The following PLCL2 variants were observed in gnomAD, a reference collection of about 807,000 sequenced individuals.
PLCL2 encodes the protein inactive phospholipase C-like protein 2.
A neutral mutation model predicts 79.6 loss-of-function variants in PLCL2; 4 were observed. The observed-to-expected ratio is 0.05, with a 90% CI of 0.02 to 0.11. PLCL2 has a LOEUF of 0.11. Among genes scored for constraint, PLCL2 ranks in the 10% least tolerant of loss-of-function variants. The pLI is 1.00. For missense variants in PLCL2, 895 were observed against 1,291.0 expected (o/e 0.69, Z 4.70); for synonymous variants, 484 against 457.7 (o/e 1.06, Z -0.73).
At chr3:16,999,117 TAATTA>T (rs942448955) in intron 1 of PLCL2, among the ~76,000 whole-genome samples, 1 of 152,372 alleles carries the variant, frequency 6.6e-6, no homozygotes, top group African/African-American at 2.4e-5. Context: ...ATGATCATTT[TAATTA>T]AATTGATGGG....
chr3:16,913,898 C>T (rs936952096), intron 1 of PLCL2, among the ~76,000 whole-genome samples: 5 of 152,296 alleles, frequency 3.3e-5, no homozygotes, highest in African/African-American at 7.2e-5. Flanking sequence ...TTCAGATTAT[C>T]GAAATACAGG....
chr3:16,983,628 ACT>A (rs1364606458), intron 1 of PLCL2, among the ~76,000 whole-genome samples: 2 of 151,832 alleles, frequency 1.3e-5, no homozygotes, highest in African/African-American at 4.8e-5. Flanking sequence ...CGAGAAGAAA[ACT>A]CTGTCTCAAA....
intron 1 of PLCL2, among the ~76,000 whole-genome samples, chr3:16,989,795 TTTC>T (rs1288934366): frequency 6.6e-6 from 1 of 152,202 alleles, no homozygotes; most frequent in African/African-American, 2.4e-5. Context: ...AGCATAATGA[TTTC>T]TTGTTAGCCC....
At chr3:17,005,095 A>T (rs759865614) in intron 1 of PLCL2, among the ~76,000 whole-genome samples, 9 of 152,056 alleles carry the variant, frequency 5.9e-5, no homozygotes, top group African/African-American at 9.7e-5. Flanking sequence ...TTTTCTCATG[A>T]TGTTTTTTGA....
chr3:17,052,617 C>T (rs550480218), intron 4 of PLCL2, among the ~76,000 whole-genome samples: 7 of 152,076 alleles, frequency 4.6e-5, no homozygotes, highest in African/African-American at 1.4e-4. Context: ...TGTAAAGTTA[C>T]ACTGAGTGTG....
At chr3:17,031,648 A>G (rs948683550) in intron 3 of PLCL2, among the ~76,000 whole-genome samples, 1 of 152,194 alleles carries the variant, frequency 6.6e-6, no homozygotes, top group Non-Finnish European at 1.5e-5. Flanking sequence ...AGACTATTGT[A>G]TAAGGTTTCC....
At chr3:16,968,502 A>G (rs548538752) in intron 1 of PLCL2, among the ~76,000 whole-genome samples, 1 of 152,108 alleles carries the variant, frequency 6.6e-6, no homozygotes, top group South Asian at 2.1e-4. Context: ...GGTTAGCTGT[A>G]TTTATAGATA....
intron 3 of PLCL2, among the ~76,000 whole-genome samples, chr3:17,037,082 T>C (rs2064665876): frequency 6.6e-6 from 1 of 152,218 alleles, no homozygotes; most frequent in Non-Finnish European, 1.5e-5. Flanking sequence ...TCTGACTAGA[T>C]GGGAAAAAAT....
intron 1 of PLCL2, among the ~76,000 whole-genome samples, chr3:16,891,746 G>A (rs1696355705): frequency 6.6e-6 from 1 of 152,154 alleles, no homozygotes; most frequent in Non-Finnish European, 1.5e-5. Flanking sequence ...AAATAATATG[G>A]TCATCTTACT....
chr3:17,077,032 G>A (rs759273335), intron 5 of PLCL2, among the ~76,000 whole-genome samples: 14 of 151,842 alleles, frequency 9.2e-5, no homozygotes, highest in Non-Finnish European at 1.9e-4. Flanking sequence ...TCCACTCTTG[G>A]CCCCTCATGT....
chr3:17,036,700 G>A (rs2064659828), intron 3 of PLCL2, among the ~76,000 whole-genome samples: 1 of 152,170 alleles, frequency 6.6e-6, no homozygotes, highest in Admixed American at 6.5e-5. Flanking sequence ...CCACCCACCA[G>A]GGACGTTGAG....
intron 3 of PLCL2, among the ~76,000 whole-genome samples, chr3:17,038,277 T>G (rs4423750): frequency 0.58 from 87,921 of 151,952 alleles, 25,723 homozygotes; most frequent in South Asian, 0.65. Context: ...CTATATAAAA[T>G]CATCTTGCCC....
rs2064108172 is a variant in PLCL2, at chr3:16,991,837, A to G, written c.328-17837A>G. ...TTTAGCTAAAACTCCAGTTCTTTCC[A>G]GAGGACAAAATGTGATTTCTGTGTT... On this transcript the variant is annotated intron_variant, in intron 1 of 5. Coordinates refer to ENST00000615277, the MANE Select transcript of PLCL2 (RefSeq NM_001144382.2). Among the ~76,000 whole-genome samples the G allele has an allele frequency of 2.0e-5, 3 of 152,380 alleles. No homozygotes were observed. The South Asian group carries it at 6.2e-4, about 32-fold the overall frequency.
intron 1 of PLCL2, among the ~76,000 whole-genome samples, chr3:16,957,554 G>A (rs2124965663): frequency 6.6e-6 from 1 of 152,264 alleles, no homozygotes; most frequent in East Asian, 1.9e-4. Flanking sequence ...TCTGCTTGGT[G>A]CAGAGCTGAG....
chr3:16,949,739 C>T (rs114131823), intron 1 of PLCL2, among the ~76,000 whole-genome samples: 1,529 of 152,166 alleles, frequency 0.01, 29 homozygotes, highest in African/African-American at 0.035. Flanking sequence ...CACTGGGGCA[C>T]GCAAGTAATG....
At chr3:16,982,397 T>TG (rs1205589394) in intron 1 of PLCL2, among the ~76,000 whole-genome samples, 1 of 152,162 alleles carries the variant, frequency 6.6e-6, no homozygotes, top group African/African-American at 2.4e-5. Context: ...TTTCCCTGTT[T>TG]GGGGGGTGTA....
chr3:17,089,599 C>G, intron 5 of PLCL2, 134 bp from the exon 6 acceptor site: 2 of 620,702 alleles, frequency 3.2e-6, no homozygotes, highest in Admixed American at 3.1e-5. Flanking sequence ...TATTCAGATG[C>G]AGTGCCAATA....
intron 1 of PLCL2, among the ~76,000 whole-genome samples, chr3:16,954,191 A>C (rs987856597): frequency 6.6e-6 from 1 of 152,106 alleles, no homozygotes; most frequent in Non-Finnish European, 1.5e-5. Flanking sequence ...CCCAGCCCAC[A>C]ACAGTCACTG....
chr3:17,006,653 G>T (rs1385793709), intron 1 of PLCL2, among the ~76,000 whole-genome samples: 1 of 152,190 alleles, frequency 6.6e-6, no homozygotes, highest in Non-Finnish European at 1.5e-5. Flanking sequence ...CTCTGCTAAG[G>T]GGTGTCCTTG....
Sources: gnomAD v4.1 joint callset for allele counts (sites outside exome capture counted in the v4.1 genomes callset) on GRCh38, gnomAD v4.1.1 for gene constraint, MANE v1.5 for transcripts, NCBI Gene and HGNC (gene_info 2026-07-23, HGNC 2026-07-21) for gene names.